The following DIAPH2 variants were observed in gnomAD, a reference collection of about 807,000 sequenced individuals.
The protein encoded by DIAPH2 is diaphanous related formin 2.
DIAPH2 carries 35 observed loss-of-function variants against 92.7 expected under a neutral mutation model. The observed-to-expected ratio is 0.38, with a 90% CI of 0.29 to 0.50. The LOEUF (loss-of-function observed/expected upper bound fraction) is 0.50. DIAPH2 is among the 20% of genes least tolerant of loss of function. DIAPH2 has a pLI of 0.94. For synonymous variants in DIAPH2, 301 were observed against 280.4 expected, an observed-to-expected ratio of 1.07 and a Z score of -0.73; for missense variants, 701 against 819.5, an observed-to-expected ratio of 0.86 and a Z score of 1.77.
chrX:97,414,079 A>G (rs1205537704), intron 25 of DIAPH2, among the ~76,000 whole-genome samples: 2 of 112,027 alleles, frequency 1.8e-5, no homozygotes, highest in Non-Finnish European at 3.8e-5. Flanking sequence ...AACCAAAAAA[A>G]GAGCCCGCAT....
chrX:96,936,478 A>T (rs2065658741), intron 10 of DIAPH2, among the ~76,000 whole-genome samples: 1 of 111,863 alleles, frequency 8.9e-6, no homozygotes, highest in Admixed American at 9.5e-5. Context: ...AACTTAATGG[A>T]CACATATTAA....
intron 26 of DIAPH2, among the ~76,000 whole-genome samples, chrX:97,440,697 G>A (rs1236366828): frequency 9.1e-6 from 1 of 109,760 alleles, no homozygotes; most frequent in Non-Finnish European, 1.9e-5. Context: ...CAAAGGAGTA[G>A]AGCTTTTCAA....
At chrX:96,851,556 A>G (rs779428668) in intron 4 of DIAPH2, among the ~76,000 whole-genome samples, 122 of 112,233 alleles carry the variant, frequency 1.1e-3, no homozygotes, top group Middle Eastern at 4.6e-3. Context: ...TTATTTCTAG[A>G]TTACTTATAA....
chrX:96,893,547 G>A (rs1259766548), intron 5 of DIAPH2, among the ~76,000 whole-genome samples: 4 of 111,877 alleles, frequency 3.6e-5, no homozygotes, highest in African/African-American at 1.3e-4. Context: ...GTCCTTGATA[G>A]TTTTCCATAA....
intron 19 of DIAPH2, among the ~76,000 whole-genome samples, chrX:97,096,013 A>T (rs959156814): frequency 1.8e-5 from 2 of 112,220 alleles, no homozygotes; most frequent in African/African-American, 6.5e-5. Flanking sequence ...TTGAAAAAAA[A>T]ATATGCACAG....
chrX:96,924,561 T>A (rs1252962587), intron 9 of DIAPH2, among the ~76,000 whole-genome samples: 1 of 111,380 alleles, frequency 9.0e-6, no homozygotes. Flanking sequence ...CAAAGCTCCC[T>A]CCTCCCTTGA....
At chrX:96,856,095 A>G (rs916353645) in intron 4 of DIAPH2, among the ~76,000 whole-genome samples, 2 of 112,141 alleles carry the variant, frequency 1.8e-5, no homozygotes, top group African/African-American at 3.2e-5. Context: ...AAACTAATCA[A>G]TTAAAGTGTG....
chrX:96,888,810 G>C (rs1024139740), intron 5 of DIAPH2, among the ~76,000 whole-genome samples: 1 of 108,643 alleles, frequency 9.2e-6, no homozygotes, highest in African/African-American at 3.4e-5. Context: ...GCTCAGAGAG[G>C]TTAAGTAATT....
intron 4 of DIAPH2, among the ~76,000 whole-genome samples, chrX:96,787,686 CTTTT>C (rs56998803): frequency 1.8e-5 from 1 of 54,734 alleles, no homozygotes; most frequent in African/African-American, 9.1e-5. Flanking sequence ...ACTCTTTTCT[CTTTT>C]TTTTTTTTTT....
At chrX:97,244,308 C>T (rs1358729493) in intron 22 of DIAPH2, among the ~76,000 whole-genome samples, 2 of 111,993 alleles carry the variant, frequency 1.8e-5, no homozygotes, top group Non-Finnish European at 3.8e-5. Context: ...GTGTGCATAG[C>T]AATTTGATTA....
At chrX:97,305,655 A>G (rs1333729558) in intron 23 of DIAPH2, among the ~76,000 whole-genome samples, 1 of 107,084 alleles carries the variant, frequency 9.3e-6, no homozygotes, top group Non-Finnish European at 1.9e-5. Flanking sequence ...CCTCATCTCT[A>G]CTTAAAAAAA....
At chrX:97,310,126 C>T (rs1033392469) in intron 23 of DIAPH2, among the ~76,000 whole-genome samples, 1 of 112,061 alleles carries the variant, frequency 8.9e-6, no homozygotes, top group African/African-American at 3.2e-5. Flanking sequence ...ATTTGCAAAG[C>T]GACAAAATTT....
chrX:96,941,932 G>T (rs1405030075), intron 12 of DIAPH2, 86 bp from the exon 13 acceptor site: 2 of 535,979 alleles, frequency 3.7e-6, no homozygotes, highest in Non-Finnish European at 6.3e-6. Flanking sequence ...AAAAGACCTA[G>T]TTCTTCTAAT....
At chrX:97,535,119 C>T (rs910422125) in intron 26 of DIAPH2, among the ~76,000 whole-genome samples, 2 of 111,560 alleles carry the variant, frequency 1.8e-5, no homozygotes, top group South Asian at 3.8e-4. Flanking sequence ...GCTGAGATCC[C>T]GAAACAGAAA....
intron 21 of DIAPH2, among the ~76,000 whole-genome samples, chrX:97,131,806 T>C (rs746527228): frequency 8.9e-6 from 1 of 112,479 alleles, no homozygotes; most frequent in Non-Finnish European, 1.9e-5. Context: ...ATTAAAAGCA[T>C]ATGAAAGTAC....
chrX:97,092,105 C>T (rs1171489174), intron 19 of DIAPH2, among the ~76,000 whole-genome samples: 1 of 112,067 alleles, frequency 8.9e-6, no homozygotes, highest in Non-Finnish European at 1.9e-5. Flanking sequence ...GATGTTCCTA[C>T]GATAGTCTTG....
At position 97,471,465 on chromosome X, in the gene DIAPH2, C is replaced by T. The variant is rs774072127; in HGVS notation, c.3241+41720C>T. ...CAACACTTTGAGAGGCCAAGGCGGG[C>T]GGATCACCTGAGGTCAGGAGTTCAA... On this transcript the variant is annotated intron_variant, in intron 26 of 26. Transcript: ENST00000324765. 4.5e-5 allele frequency among the ~76,000 whole-genome samples: 5 copies of T among 110,309 alleles called. No individual in the cohort carries two copies. In the South Asian group the frequency reaches 1.6e-3, roughly 35 times the overall value.
intron 26 of DIAPH2, among the ~76,000 whole-genome samples, chrX:97,553,943 A>T (rs1447770595): frequency 1.8e-5 from 2 of 111,913 alleles, no homozygotes; most frequent in African/African-American, 6.5e-5. Context: ...ATATACATAG[A>T]TAGACATACA....
intron 4 of DIAPH2, among the ~76,000 whole-genome samples, chrX:96,871,145 A>G (rs931141463): frequency 8.9e-6 from 1 of 111,784 alleles, no homozygotes; most frequent in Non-Finnish European, 1.9e-5. Context: ...TTTTAAAGTC[A>G]CTATTTACAT....
Sources: allele counts gnomAD v4.1 joint callset (sites outside exome capture counted in the v4.1 genomes callset), GRCh38; gene constraint gnomAD v4.1.1; transcripts MANE v1.5; gene names NCBI Gene and HGNC (gene_info 2026-07-23, HGNC 2026-07-21).